Variants in SPON1 observed in about 807,000 individuals in gnomAD.
The protein encoded by SPON1 is spondin 1.
Under a neutral mutation model 111.7 loss-of-function variants are expected in SPON1, and 52 were observed. The observed-to-expected ratio is 0.47, with a 90% confidence interval of 0.37 to 0.59. The LOEUF (loss-of-function observed/expected upper bound fraction) is 0.59. SPON1 is among the 20% of genes least tolerant of loss of function. The probability of loss-of-function intolerance (pLI) is 0.00; values close to 1 mark genes in which losing one functional copy is unlikely to be tolerated. For missense variants in SPON1, 957 were observed against 1,068.5 expected, an observed-to-expected ratio of 0.90 and a Z score of 1.46; for synonymous variants, 410 against 395.8, an observed-to-expected ratio of 1.04 and a Z score of -0.43.
chr11:14,181,558 A>T (rs1383338242), intron 6 of SPON1, among the ~76,000 whole-genome samples: 7 of 152,240 alleles, frequency 4.6e-5, no homozygotes, highest in African/African-American at 1.7e-4. Context: ...GTTTGGAATA[A>T]CATTGATTGT....
At chr11:14,229,620 C>T (rs1165907374) in intron 6 of SPON1, among the ~76,000 whole-genome samples, 3 of 152,196 alleles carry the variant, frequency 2.0e-5, no homozygotes, top group African/African-American at 7.2e-5. Context: ...ACAAGCTCCA[C>T]AAGGGCAGTC....
intron 6 of SPON1, among the ~76,000 whole-genome samples, chr11:14,194,089 T>A (rs1335557980): frequency 1.3e-5 from 2 of 152,202 alleles, no homozygotes; most frequent in African/African-American, 4.8e-5. Context: ...AGGCTCCTCA[T>A]CCTGTGCCCA....
intron 2 of SPON1, among the ~76,000 whole-genome samples, chr11:14,024,949 A>G (rs1848507119): frequency 6.6e-6 from 1 of 152,222 alleles, no homozygotes; most frequent in Non-Finnish European, 1.5e-5. Flanking sequence ...TGGAGGCCAT[A>G]TCATCTGAAT....
At chr11:14,097,680 G>A (rs1554924006) in intron 5 of SPON1, among the ~76,000 whole-genome samples, 1 of 152,104 alleles carries the variant, frequency 6.6e-6, no homozygotes, top group South Asian at 2.1e-4. Flanking sequence ...GCAGGAGGAT[G>A]ACTTGAACCC....
intron 2 of SPON1, among the ~76,000 whole-genome samples, chr11:13,998,041 T>C (rs1410865868): frequency 6.6e-6 from 1 of 152,214 alleles, no homozygotes. Flanking sequence ...CACACAGTGC[T>C]GGGTGCCATG....
At chr11:14,219,737 C>T (rs958994013) in intron 6 of SPON1, among the ~76,000 whole-genome samples, 2 of 152,136 alleles carry the variant, frequency 1.3e-5, no homozygotes, top group African/African-American at 2.4e-5. Context: ...TATCTGCAAG[C>T]CAGATCTATT....
At chr11:14,207,997 T>C (rs1256525327) in intron 6 of SPON1, among the ~76,000 whole-genome samples, 1 of 152,212 alleles carries the variant, frequency 6.6e-6, no homozygotes, top group African/African-American at 2.4e-5. Flanking sequence ...GTGTGGTACA[T>C]ATGTACCATA....
chr11:14,079,832 T>C, intron 4 of SPON1, 67 bp from the exon 5 acceptor site: 1 of 1,577,468 alleles, frequency 6.3e-7, no homozygotes, highest in East Asian at 2.2e-5. Flanking sequence ...AATGAGACCA[T>C]GATAGCACCA....
chr11:14,129,288 T>C (rs1362863497), intron 5 of SPON1, among the ~76,000 whole-genome samples: 2 of 152,222 alleles, frequency 1.3e-5, no homozygotes, highest in African/African-American at 4.8e-5. Context: ...TATGACTATA[T>C]GCTTTTAGAA....
intron 5 of SPON1, among the ~76,000 whole-genome samples, chr11:14,090,187 C>A (rs1849038200): frequency 7.5e-6 from 1 of 132,612 alleles, no homozygotes; most frequent in African/African-American, 2.9e-5. Context: ...GTTCCAGGCA[C>A]CACTAGGGTA....
At position 13,971,419 on chromosome 11, in the gene SPON1, C is replaced by A. The variant is rs182093324; in HGVS notation, c.238+8277C>A. On this transcript the variant is annotated intron_variant, in intron 1 of 15. Coordinates refer to ENST00000576479, the MANE Select transcript of SPON1 (RefSeq NM_006108.4). ...CTGAGGGGATTATTGAGCCATCAAA[C>A]CTAGACATCAATTATTAAAGTGACA... 2.6e-5 allele frequency among the ~76,000 whole-genome samples: 4 copies of A among 152,260 alleles called. No individual in the cohort carries two copies. The East Asian group carries it at 7.7e-4, about 29-fold the overall frequency.
chr11:14,011,360 T>A (rs2133798564), intron 2 of SPON1, among the ~76,000 whole-genome samples: 1 of 151,922 alleles, frequency 6.6e-6, no homozygotes, highest in East Asian at 1.9e-4. Flanking sequence ...CGGTTCTTAT[T>A]CTTAGAATCT....
At chr11:14,045,626 A>C (rs1000469365) in intron 3 of SPON1, among the ~76,000 whole-genome samples, 13 of 121,402 alleles carry the variant, frequency 1.1e-4, no homozygotes, top group African/African-American at 2.9e-4. Flanking sequence ...GTTTTAATAT[A>C]TATATTATAT....
intron 6 of SPON1, among the ~76,000 whole-genome samples, chr11:14,200,772 G>A (rs918600772): frequency 3.0e-5 from 4 of 131,584 alleles, no homozygotes; most frequent in South Asian, 2.5e-4. Flanking sequence ...CCAAGATCAC[G>A]CCACTGCACT....
intron 5 of SPON1, among the ~76,000 whole-genome samples, chr11:14,115,893 G>T (rs1849262969): frequency 6.6e-6 from 1 of 151,934 alleles, no homozygotes; most frequent in African/African-American, 2.4e-5. Context: ...CTACATCCTT[G>T]CCCATACTTG....
At chr11:14,086,977 G>T (rs1290181859) in intron 5 of SPON1, among the ~76,000 whole-genome samples, 1 of 152,118 alleles carries the variant, frequency 6.6e-6, no homozygotes, top group Non-Finnish European at 1.5e-5. Context: ...GTAGTTTTGT[G>T]GGATCAGTAG....
At position 14,267,778 on chromosome 11, in the gene SPON1, A is replaced by G. The variant is rs1266240002; in HGVS notation, c.*2091A>G. On this transcript the variant is annotated 3_prime_UTR_variant, in exon 16 of 16. Transcript: ENST00000576479. ...TTATAGTTCTTTTGGCTAACAAATC[A>G]TTTTGGAAATAAAGATTTTTTACTA... is the stretch of plus-strand genomic sequence containing the variant. 1.3e-5 allele frequency: 2 copies of G among 152,330 alleles called. No homozygotes were observed. The highest frequency in any genetic ancestry group is 6.5e-5 in the Admixed American group (1 of 15,312). The allele number at this position is 152,330 out of a possible 1,614,324, so 9.4% of individuals were successfully genotyped here. A position where few individuals can be genotyped will look rare whatever the true frequency, so the allele number is the denominator to read the frequency against.
intron 3 of SPON1, among the ~76,000 whole-genome samples, chr11:14,065,436 C>T (rs111938971): frequency 2.2e-4 from 34 of 152,302 alleles, no homozygotes; most frequent in African/African-American, 7.7e-4. Context: ...ATTACACCCA[C>T]GCCCAGCCAC....
chr11:14,007,810 C>T (rs770547277), intron 2 of SPON1, among the ~76,000 whole-genome samples: 7 of 152,142 alleles, frequency 4.6e-5, no homozygotes, highest in South Asian at 2.1e-4. Context: ...TTGCCTCTTG[C>T]GGCTTCTGGT....
Sources: allele counts gnomAD v4.1 joint callset (sites outside exome capture counted in the v4.1 genomes callset), GRCh38; gene constraint gnomAD v4.1.1; transcripts MANE v1.5; gene names NCBI Gene and HGNC (gene_info 2026-07-23, HGNC 2026-07-21).